SCGB1C1: variants seen among roughly 807,000 people sequenced by gnomAD.
SCGB1C1 encodes the protein secretoglobin family 1C member 1.
In SCGB1C1, 2 loss-of-function variants were observed where a neutral mutation model predicts 8.9. The observed-to-expected ratio is 0.23, with a 90% CI of 0.09 to 0.71. The LOEUF (loss-of-function observed/expected upper bound fraction) is 0.71, where lower values mean the gene tolerates loss of function less well. SCGB1C1 is among the 30% of genes least tolerant of loss of function. SCGB1C1 has a pLI of 0.78. For missense variants in SCGB1C1, 25 were observed against 112.7 expected (o/e 0.22, Z 3.52); for synonymous variants, 6 against 45.8 (o/e 0.13, Z 3.51).
At chr11:189,644 G>A (rs1243870703), upstream of SCGB1C1, among the ~76,000 whole-genome samples, 3 of 150,426 alleles carry the variant, frequency 2.0e-5, no homozygotes, top group Non-Finnish European at 2.9e-5. Context: ...GCACGTCCTC[G>A]GGGGCGCGGC....
upstream of SCGB1C1, among the ~76,000 whole-genome samples, chr11:190,008 C>T (rs1368708775): frequency 1.0e-5 from 1 of 99,176 alleles, no homozygotes; most frequent in East Asian, 2.7e-4. Context: ...ACGCCCTCTT[C>T]TGGCCGCTGG....
upstream of SCGB1C1, among the ~76,000 whole-genome samples, chr11:191,706 C>G (rs1268668572): frequency 6.6e-6 from 1 of 152,254 alleles, no homozygotes; most frequent in Non-Finnish European, 1.5e-5. Flanking sequence ...TTGCTAAACT[C>G]TTTTAAAAAT....
chr11:194,332 C>G lies in SCGB1C1; in HGVS notation c.256-86C>G, dbSNP rs767412354. On this transcript the variant is annotated intron_variant, in intron 2 of 2. Transcript: ENST00000342878. ...GGCAGCAATATGCCAGACCCCCCCC[C>G]ACTGAGGGCCTTGCTTGCCTGATGG... 41 of 1,126,982 alleles carry G rather than the reference C, an allele frequency of 3.6e-5. 1 individual carries two copies. Among genetic ancestry groups the G allele is most frequent in the Admixed American group, 5.3e-5 (3 of 57,060 alleles). The allele number at this position is 1,126,982 out of a possible 1,614,324, so 69.8% of individuals were successfully genotyped here.
chr11:190,757 G>A (rs1355397386), upstream of SCGB1C1, among the ~76,000 whole-genome samples: 7 of 152,296 alleles, frequency 4.6e-5, no homozygotes, highest in Non-Finnish European at 8.8e-5. Context: ...GCCATCCCAG[G>A]CACACTGACA....
chr11:189,424 A>ACGCGGCGCGCCGGCGCAGGCGCACAGAGG (rs1178961212), upstream of SCGB1C1, among the ~76,000 whole-genome samples: 8 of 145,064 alleles, frequency 5.5e-5, no homozygotes, highest in South Asian at 2.2e-4. Context: ...ATTGACAGAG[A>ACGCGGCGCGCCGGCGCAGGCGCACAGAGG]CGCGGCGCGC....
upstream of SCGB1C1, among the ~76,000 whole-genome samples, chr11:192,215 G>T (rs1854826259): frequency 6.7e-6 from 1 of 149,862 alleles, no homozygotes; most frequent in African/African-American, 2.5e-5. Flanking sequence ...GAACAATGCA[G>T]CTCAGTCAGA....
In SCGB1C1 at chr11:193,125, T is replaced by C; in HGVS notation, c.26T>C (p.Leu9Pro). The part of the protein sequence containing the change: MKGSRALL[L>P]VALTLFCICR... ...ATGAAGGGGAGCCGTGCCCTCCTGC[T>C]GGTGGCCCTCACCCTGTTCTGCATC... Residue 9 changes from leucine (L) to proline (P), a missense_variant, in exon 1 of 3, where the codon CTG (leucine) becomes CCG (proline). Coordinates refer to ENST00000342878, the MANE Select transcript of SCGB1C1 (RefSeq NM_145651.3). 1.4e-6 allele frequency: 2 copies of C among 1,443,046 alleles called. No individual in the cohort carries two copies. The highest frequency in any genetic ancestry group is 1.5e-5 in the African/African-American group (1 of 66,884). The allele number at this position is 1,443,046 out of a possible 1,614,324, so 89.4% of individuals were successfully genotyped here.
upstream of SCGB1C1, among the ~76,000 whole-genome samples, chr11:192,490 C>G (rs1469115867): frequency 6.6e-6 from 1 of 150,566 alleles, no homozygotes; most frequent in African/African-American, 2.4e-5. Context: ...CTATGTTCCT[C>G]AGACCCTCTC....
upstream of SCGB1C1, among the ~76,000 whole-genome samples, chr11:191,568 G>T (rs371769043): frequency 7.9e-3 from 1,167 of 147,682 alleles, 1 homozygote; most frequent in Non-Finnish European, 0.012. Context: ...AACTAAAAAT[G>T]CACACACATC....
At chr11:189,349 T>A (rs1224914654), upstream of SCGB1C1, among the ~76,000 whole-genome samples, 2 of 152,252 alleles carry the variant, frequency 1.3e-5, no homozygotes, top group African/African-American at 4.8e-5. Flanking sequence ...TGGACACACG[T>A]CGTCAGGACC....
rs1310968651 is a variant in SCGB1C1 at position 194,529 on chromosome 11, A to T, written c.*79A>T. 8 of 578,668 alleles carry T rather than the reference A, an allele frequency of 1.4e-5. No individual in the cohort carries two copies. Among genetic ancestry groups the T allele is most frequent in the Admixed American group, 1.2e-4 (4 of 33,388 alleles). 35.8% of individuals were successfully genotyped at this position (578,668 alleles called of 1,614,324 possible). ...CACAACGCCCACTACCACCTCCCAC[A>T]TGGAAATGTATCCTCAAACCGTTTA... On this transcript the variant is annotated 3_prime_UTR_variant, in exon 3 of 3. Coordinates refer to ENST00000342878, the MANE Select transcript of SCGB1C1 (RefSeq NM_145651.3).
upstream of SCGB1C1, among the ~76,000 whole-genome samples, chr11:190,361 T>A (rs370376036): frequency 0.01 from 1,284 of 126,760 alleles, 22 homozygotes; most frequent in African/African-American, 0.033. Context: ...AAATTCAAAC[T>A]GAAACGGAGC....
At chr11:191,812 C>A (rs1259935327), upstream of SCGB1C1, among the ~76,000 whole-genome samples, 1 of 37,478 alleles carries the variant, frequency 2.7e-5, no homozygotes, top group African/African-American at 8.2e-5. Flanking sequence ...TAACCCTAAC[C>A]CTAACCCCTA....
upstream of SCGB1C1, among the ~76,000 whole-genome samples, chr11:191,927 G>T: frequency 6.6e-6 from 1 of 151,644 alleles, no homozygotes; most frequent in Non-Finnish European, 1.5e-5. Flanking sequence ...TGACCCTACT[G>T]TATCCCTGAC....
chr11:191,552 C>T (rs1854807063), upstream of SCGB1C1, among the ~76,000 whole-genome samples: 3 of 148,352 alleles, frequency 2.0e-5, no homozygotes, highest in African/African-American at 5.0e-5. Flanking sequence ...ATAAGTTAAA[C>T]AGCCCAACTA....
chr11:191,975 C>CT (rs1854821540), upstream of SCGB1C1, among the ~76,000 whole-genome samples: 1 of 152,288 alleles, frequency 6.6e-6, no homozygotes, highest in Non-Finnish European at 1.5e-5. Context: ...AAACCCCTTA[C>CT]TGTAACTATA....
At chr11:188,316 AAC>A (rs1854711927), upstream of SCGB1C1, among the ~76,000 whole-genome samples, 1 of 151,354 alleles carries the variant, frequency 6.6e-6, no homozygotes, top group Non-Finnish European at 1.5e-5. Context: ...TCTGTATTTT[AAC>A]AGTTGTGCCC....
At chr11:191,945 C>A (rs1854820716), upstream of SCGB1C1, among the ~76,000 whole-genome samples, 1 of 152,256 alleles carries the variant, frequency 6.6e-6, no homozygotes, top group African/African-American at 2.4e-5. Flanking sequence ...GACTCCTAAC[C>A]AACGTTGATC....
At chr11:194,395 G>A in intron 2 of SCGB1C1, 23 bp from the exon 3 acceptor site, 1 of 744,410 alleles carries the variant, frequency 1.3e-6, no homozygotes, top group Non-Finnish European at 2.3e-6. Flanking sequence ...AGCCCTCTTA[G>A]TCCACATGTG....
Sources: gnomAD v4.1 joint callset for allele counts (sites outside exome capture counted in the v4.1 genomes callset) on GRCh38, gnomAD v4.1.1 for gene constraint, MANE v1.5 for transcripts, NCBI Gene and HGNC (gene_info 2026-07-23, HGNC 2026-07-21) for gene names.